KCNB2: variants seen among roughly 807,000 people sequenced by gnomAD.
The protein encoded by KCNB2 is delayed rectifier potassium channel protein.
KCNB2 carries 15 observed loss-of-function variants against 61.5 expected under a neutral mutation model. The observed-to-expected ratio is 0.24, with a 90% CI of 0.16 to 0.38. The LOEUF is 0.38. Among genes scored for constraint, KCNB2 ranks in the 10% least tolerant of loss-of-function variants. The pLI, the probability that KCNB2 is intolerant of heterozygous loss-of-function variation, is 1.00. For synonymous variants in KCNB2, 457 were observed against 446.0 expected (o/e 1.02, Z -0.31); for missense variants, 828 against 1,125.2 (o/e 0.74, Z 3.78).
chr8:72,612,062 A>AT (rs534790782), intron 2 of KCNB2, among the ~76,000 whole-genome samples: 1 of 152,188 alleles, frequency 6.6e-6, no homozygotes, highest in Non-Finnish European at 1.5e-5. Flanking sequence ...TAAAAACTCC[A>AT]TAAAAACTTC....
intron 2 of KCNB2, among the ~76,000 whole-genome samples, chr8:72,725,911 C>T (rs1391796989): frequency 6.6e-6 from 1 of 151,948 alleles, no homozygotes; most frequent in Non-Finnish European, 1.5e-5. Flanking sequence ...ACCCTTTTGT[C>T]CAACAGTTCT....
chr8:72,922,190 T>G lies in KCNB2; in HGVS notation c.580-13745T>G, dbSNP rs537823744. On this transcript the variant is annotated intron_variant, in intron 2 of 2. Coordinates refer to ENST00000523207, the MANE Select transcript of KCNB2 (RefSeq NM_004770.3). ...AATACCACTCCAATCTCTGCCTCTG[T>G]TGTTACATGGCTATCTGCCCTCTGT... is the stretch of plus-strand genomic sequence containing the variant. Among the ~76,000 whole-genome samples, 24 of 152,328 alleles carry G rather than the reference T, an allele frequency of 1.6e-4. No individual in the cohort carries two copies. In the South Asian group the frequency reaches 4.8e-3, roughly 30 times the overall value.
intron 2 of KCNB2, among the ~76,000 whole-genome samples, chr8:72,604,209 A>G (rs913948151): frequency 1.3e-5 from 2 of 152,218 alleles, no homozygotes; most frequent in Middle Eastern, 3.2e-3. Context: ...AGAGTTTTAT[A>G]TACGTTAAAC....
intron 2 of KCNB2, among the ~76,000 whole-genome samples, chr8:72,690,934 G>A (rs117198945): frequency 1.3e-5 from 2 of 152,140 alleles, no homozygotes; most frequent in East Asian, 1.9e-4. Context: ...ACAACTGAAT[G>A]TGTAGAAGTC....
chr8:72,895,851 T>C (rs1389429082), intron 2 of KCNB2, among the ~76,000 whole-genome samples: 3 of 152,316 alleles, frequency 2.0e-5, no homozygotes, highest in Middle Eastern at 3.4e-3. Context: ...GGTACAGGGA[T>C]GTTTTTGATT....
intron 2 of KCNB2, among the ~76,000 whole-genome samples, chr8:72,597,086 C>T (rs1244774177): frequency 7.4e-6 from 1 of 134,264 alleles, no homozygotes; most frequent in Non-Finnish European, 1.5e-5. Context: ...TGCAGTGGCA[C>T]GATCTCGGCT....
chr8:72,903,361 A>C (rs1373257229), intron 2 of KCNB2, among the ~76,000 whole-genome samples: 1 of 152,188 alleles, frequency 6.6e-6, no homozygotes. Context: ...GACCACCCAC[A>C]CAAGGAAGGA....
chr8:72,838,077 G>C (rs745652954), intron 2 of KCNB2, among the ~76,000 whole-genome samples: 11 of 152,024 alleles, frequency 7.2e-5, no homozygotes, highest in Non-Finnish European at 1.5e-4. Context: ...CATTAACAAA[G>C]TATTTTAGAG....
chr8:72,872,599 C>G (rs912063117), intron 2 of KCNB2, among the ~76,000 whole-genome samples: 2 of 152,158 alleles, frequency 1.3e-5, no homozygotes, highest in Non-Finnish European at 2.9e-5. Flanking sequence ...CTAAAAATCA[C>G]CAGTGAATTG....
At chr8:72,849,442 C>T (rs1000045124) in intron 2 of KCNB2, among the ~76,000 whole-genome samples, 2 of 152,156 alleles carry the variant, frequency 1.3e-5, no homozygotes, top group African/African-American at 4.8e-5. Context: ...TCCTGTCTAG[C>T]AGTTTTCATC....
intron 2 of KCNB2, among the ~76,000 whole-genome samples, chr8:72,679,459 C>T (rs138784668): frequency 2.6e-5 from 4 of 152,256 alleles, no homozygotes; most frequent in Admixed American, 1.3e-4. Flanking sequence ...ATTTCTCAAG[C>T]GTTTCCACTG....
chr8:72,790,455 G>A (rs1415399812), intron 2 of KCNB2, among the ~76,000 whole-genome samples: 1 of 152,154 alleles, frequency 6.6e-6, no homozygotes, highest in East Asian at 1.9e-4. Flanking sequence ...CACTGAATTT[G>A]ACAAGTAGGA....
At chr8:72,642,442 T>G (rs1286588768) in intron 2 of KCNB2, among the ~76,000 whole-genome samples, 1 of 152,064 alleles carries the variant, frequency 6.6e-6, no homozygotes, top group African/African-American at 2.4e-5. Context: ...TCATCCATCA[T>G]TATAAAGAAC....
At chr8:72,839,065 T>A (rs763479842) in intron 2 of KCNB2, among the ~76,000 whole-genome samples, 33 of 152,136 alleles carry the variant, frequency 2.2e-4, no homozygotes, top group Non-Finnish European at 4.0e-4. Context: ...ATAGTAAAAA[T>A]CACCCCATTA....
chr8:72,558,247 A>T (rs1374027514), intron 1 of KCNB2, among the ~76,000 whole-genome samples: 2 of 152,212 alleles, frequency 1.3e-5, no homozygotes, highest in Non-Finnish European at 2.9e-5. Flanking sequence ...AGTTGCTTGC[A>T]TGCTTGTAGA....
At chr8:72,738,625 TC>T (rs1807891489) in intron 2 of KCNB2, among the ~76,000 whole-genome samples, 1 of 152,156 alleles carries the variant, frequency 6.6e-6, no homozygotes, top group African/African-American at 2.4e-5. Context: ...CCTCTGCCAA[TC>T]CCTGGGAGAA....
At chr8:72,857,823 A>T (rs1361077876) in intron 2 of KCNB2, among the ~76,000 whole-genome samples, 1 of 152,186 alleles carries the variant, frequency 6.6e-6, no homozygotes, top group Non-Finnish European at 1.5e-5. Flanking sequence ...GTCTTATTTC[A>T]TTCTCCCGAC....
chr8:72,645,518 A>ATT (rs1041323630), intron 2 of KCNB2, among the ~76,000 whole-genome samples: 1 of 152,088 alleles, frequency 6.6e-6, no homozygotes, highest in African/African-American at 2.4e-5. Context: ...CAGAGACAGT[A>ATT]TTATATATAG....
chr8:72,725,599 A>ATATATATATATG (rs1807633799), intron 2 of KCNB2, among the ~76,000 whole-genome samples: 1 of 58,216 alleles, frequency 1.7e-5, no homozygotes, highest in Non-Finnish European at 5.1e-5. Context: ...ATGTATATAT[A>ATATATATATATG]TATATATATA....
Sources: gnomAD v4.1 joint callset for allele counts (sites outside exome capture counted in the v4.1 genomes callset) on GRCh38, gnomAD v4.1.1 for gene constraint, MANE v1.5 for transcripts, NCBI Gene and HGNC (gene_info 2026-07-23, HGNC 2026-07-21) for gene names.